Variants in ARHGAP39 observed in about 807,000 individuals in gnomAD.
ARHGAP39 encodes Rho GTPase activating protein 39.
ARHGAP39 carries 44 observed loss-of-function variants against 106.9 expected under a neutral mutation model. The observed-to-expected ratio is 0.41, with a 90% CI of 0.32 to 0.53. ARHGAP39 has a LOEUF of 0.53. Among genes scored for constraint, ARHGAP39 ranks in the 20% least tolerant of loss-of-function variants. The pLI is 0.21. For synonymous variants in ARHGAP39, 768 were observed against 693.2 expected, an observed-to-expected ratio of 1.11 and a Z score of -1.69; for missense variants, 1,496 against 1,577.3, an observed-to-expected ratio of 0.95 and a Z score of 0.87.
chr8:144,580,758 G>GGCC, intron 3 of ARHGAP39, 88 bp downstream of exon 3: 3 of 185,576 alleles, frequency 1.6e-5, no homozygotes, highest in South Asian at 2.1e-4. Context: ...CTCTCACCTG[G>GGCC]CCCCGCCCAC....
At chr8:144,533,058 A>T in intron 9 of ARHGAP39, 68 bp downstream of exon 9, 1 of 1,544,138 alleles carries the variant, frequency 6.5e-7, no homozygotes, top group East Asian at 2.3e-5. Flanking sequence ...TGGCCCCTGC[A>T]TGCCACAGAT....
At chr8:144,542,818 G>T (rs1465265865) in intron 6 of ARHGAP39, among the ~76,000 whole-genome samples, 2 of 151,916 alleles carry the variant, frequency 1.3e-5, no homozygotes, top group Admixed American at 1.3e-4. Flanking sequence ...GCGCACCTGT[G>T]GTCCCTGCTA....
chr8:144,623,176 A>T (rs535579891), intron 1 of ARHGAP39, among the ~76,000 whole-genome samples: 1 of 152,366 alleles, frequency 6.6e-6, no homozygotes, highest in East Asian at 1.9e-4. Context: ...TGCATGTTAG[A>T]ACATCCGAGG....
In ARHGAP39 at chr8:144,547,227, C is replaced by T; in HGVS notation, c.1859G>A (p.Gly620Asp). 1.2e-6 allele frequency: 2 copies of T among 1,612,498 alleles called. No homozygotes were observed. Among genetic ancestry groups the T allele is most frequent in the Non-Finnish European group, 1.7e-6 (2 of 1,179,762 alleles). The change falls in exon 5 of 12, where the codon GGC becomes GAC. Residue 620 changes from glycine (G) to aspartate (D), a missense_variant. Gly to Asp is a moderately conservative substitution (Grantham distance 94). This residue lies in a region of ARHGAP39 where 905 missense variants were observed against 816.4 expected (regional missense o/e 1.11). Transcript: ENST00000377307. The surrounding 1 kb of genome is among the most constrained non-coding windows in gnomAD (Gnocchi z 5.2). ...AQQENRHWRR[G>D]TFEKLGFPQI... ...GGGGAAGCCTAGCTTCTCGAAGGTG[C>T]CCCTCCTCCAGTGCCTGTTCTCCTG...
In ARHGAP39 at chr8:144,668,889, A is replaced by G. The variant is rs144923948; in HGVS notation, c.-82+16797T>C. 3.6e-3 allele frequency among the ~76,000 whole-genome samples: 542 copies of G among 152,312 alleles called. 2 individuals are homozygous for G. The highest frequency in any genetic ancestry group is 4.8e-3 in the South Asian group (23 of 4,828). On this transcript the variant is annotated intron_variant, in intron 1 of 11. Transcript: ENST00000377307. ...CCAAAACAATCTTGAAAAAGAACAA[A>G]ATGGGATACACCTTCTGACTTGAAA...
At chr8:144,614,816 C>T (rs974316620) in intron 1 of ARHGAP39, among the ~76,000 whole-genome samples, 3 of 152,204 alleles carry the variant, frequency 2.0e-5, no homozygotes, top group Admixed American at 1.3e-4. Context: ...TGAGGTTTCT[C>T]AGTCAGCCTG....
At chr8:144,605,414 G>T in intron 2 of ARHGAP39, 121 bp downstream of exon 2, 1 of 1,069,904 alleles carries the variant, frequency 9.3e-7, no homozygotes, top group Non-Finnish European at 1.4e-6. Flanking sequence ...CTTGGGAACA[G>T]CCAGCGACGA....
chr8:144,653,017 G>A (rs1328292755), intron 1 of ARHGAP39, among the ~76,000 whole-genome samples: 2 of 152,134 alleles, frequency 1.3e-5, no homozygotes, highest in East Asian at 1.9e-4. Context: ...GAAATATGAG[G>A]CCGGGCGCAG....
the ARHGAP39 span, among the ~76,000 whole-genome samples, chr8:144,690,910 A>G: frequency 5.5e-3 from 830 of 149,990 alleles, 8 homozygotes; most frequent in African/African-American, 0.02. Flanking sequence ...TGCCTGCCTC[A>G]GCCTCCCAAA....
At chr8:144,594,139 A>G (rs1490111042) in intron 2 of ARHGAP39, among the ~76,000 whole-genome samples, 2 of 152,150 alleles carry the variant, frequency 1.3e-5, no homozygotes, top group Admixed American at 6.5e-5. Flanking sequence ...GATGGGCAAA[A>G]TATCTGGACA....
At chr8:144,609,690 C>T (rs1041543429) in intron 1 of ARHGAP39, among the ~76,000 whole-genome samples, 2 of 151,988 alleles carry the variant, frequency 1.3e-5, no homozygotes, top group African/African-American at 4.8e-5. Flanking sequence ...GCGTGAGCCA[C>T]CGCGCCTGGC....
chr8:144,675,685 G>T (rs1435864700), intron 1 of ARHGAP39, among the ~76,000 whole-genome samples: 2 of 151,642 alleles, frequency 1.3e-5, no homozygotes, highest in East Asian at 3.9e-4. Context: ...GGCTTCAGGA[G>T]TGAAACTGCA....
chr8:144,690,811 A>ATTT (rs113293471), upstream of ARHGAP39, among the ~76,000 whole-genome samples: 3 of 116,310 alleles, frequency 2.6e-5, no homozygotes, highest in Admixed American at 8.9e-5. Context: ...CACCCAGCTG[A>ATTT]TTTTTTTTTT....
At chr8:144,620,221 G>A (rs191625652) in intron 1 of ARHGAP39, among the ~76,000 whole-genome samples, 24 of 148,348 alleles carry the variant, frequency 1.6e-4, no homozygotes, top group Non-Finnish European at 1.5e-4. Flanking sequence ...GTGTCCCTGA[G>A]AAAGTGTGTG....
intron 3 of ARHGAP39, among the ~76,000 whole-genome samples, chr8:144,573,759 A>G (rs1818668067): frequency 6.6e-6 from 1 of 152,252 alleles, no homozygotes; most frequent in Non-Finnish European, 1.5e-5. Context: ...CCCACAAAGC[A>G]AGTCTCAAAA....
At chr8:144,628,047 C>A (rs1434437628) in intron 1 of ARHGAP39, among the ~76,000 whole-genome samples, 1 of 152,236 alleles carries the variant, frequency 6.6e-6, no homozygotes, top group Non-Finnish European at 1.5e-5. Flanking sequence ...CAGTCCTGCA[C>A]CTGCGGGAGA....
chr8:144,565,355 A>C (rs1465043153), intron 3 of ARHGAP39, among the ~76,000 whole-genome samples: 2 of 152,228 alleles, frequency 1.3e-5, no homozygotes, highest in Non-Finnish European at 2.9e-5. Context: ...GAAATGATCC[A>C]AAATTAAAGC....
chr8:144,674,311 C>T (rs1291356518), intron 1 of ARHGAP39, among the ~76,000 whole-genome samples: 1 of 152,164 alleles, frequency 6.6e-6, no homozygotes, highest in African/African-American at 2.4e-5. Flanking sequence ...TCTTGGGAGA[C>T]CCACAGTGGG....
chr8:144,656,807 C>CAAAAAAAAAAAAA (rs35058065), intron 1 of ARHGAP39, among the ~76,000 whole-genome samples: 1 of 42,344 alleles, frequency 2.4e-5, no homozygotes, highest in Non-Finnish European at 4.1e-5. Flanking sequence ...GACTCCATCT[C>CAAAAAAAAAAAAA]AAAAAAAAAA....
Sources: gnomAD v4.1 joint callset for allele counts (sites outside exome capture counted in the v4.1 genomes callset) on GRCh38, gnomAD v4.1.1 for gene constraint, gnomAD v4.1.1 regional missense constraint, Gnocchi (gnomAD v3.1) non-coding constraint, MANE v1.5 for transcripts, NCBI Gene and HGNC (gene_info 2026-07-23, HGNC 2026-07-21) for gene names.